Variants in DDX11 observed in about 807,000 individuals in gnomAD.
The protein encoded by DDX11 is ATP-dependent DNA helicase DDX11.
A neutral mutation model predicts 125.2 loss-of-function variants in DDX11; 72 were observed. The observed-to-expected ratio is 0.58, with a 90% CI of 0.48 to 0.70. The LOEUF (loss-of-function observed/expected upper bound fraction) is 0.70, where lower values mean the gene tolerates loss of function less well. DDX11 is among the 30% of genes least tolerant of loss of function. The pLI, the probability that DDX11 is intolerant of heterozygous loss-of-function variation, is 0.00. For synonymous variants in DDX11, 347 were observed against 452.6 expected (o/e 0.77, Z 2.96); for missense variants, 883 against 1,165.0 (o/e 0.76, Z 3.52).
chr12:31,077,475 TTAG>T (rs1173930714), intron 1 of DDX11, among the ~76,000 whole-genome samples: 3 of 151,700 alleles, frequency 2.0e-5, no homozygotes, highest in Non-Finnish European at 4.4e-5. Flanking sequence ...GCCAGAAAAG[TTAG>T]TAGGTGGTGG....
In DDX11 at chr12:31,078,469, T is replaced by G; in HGVS notation, c.76T>G (p.Phe26Val). 6.2e-7 allele frequency: 1 copy of G among 1,611,622 alleles called. No homozygotes were observed. The highest frequency in any genetic ancestry group is 8.5e-7 in the Non-Finnish European group (1 of 1,179,614). The change falls in exon 2 of 27, where the codon TTC becomes GTC. Residue 26 changes from phenylalanine to valine, a missense_variant. By Grantham distance (50) the Phe-to-Val change is conservative (BLOSUM62 -1). Coordinates refer to ENST00000542838, the MANE Select transcript of DDX11 (RefSeq NM_030653.4). ...CACACCCTATTCCATCCAGGAAGAC[T>G]TCATGGCAGAGCTGTACCGGGTTTT... Reference protein sequence around the residue: ...PFTPYSIQEDFMAELYRVLEA... With the variant: ...PFTPYSIQEDVMAELYRVLEA...
Position 31,103,870 on chromosome 12 carries a change from T to G in DDX11, c.*34T>G. ...CACACCACTGCCTGGCGCCGTGCCC[T>G]TCCTTTGTCCTGCCCGCTGGAGACA... On this transcript the variant is annotated 3_prime_UTR_variant, in exon 27 of 27. Coordinates refer to ENST00000542838, the MANE Select transcript of DDX11 (RefSeq NM_030653.4). The G allele has an allele frequency of 6.2e-7, 1 of 1,614,012 alleles. No individual in the cohort carries two copies. The highest frequency in any genetic ancestry group is 8.5e-7 in the Non-Finnish European group (1 of 1,179,864).
At chr12:31,091,944 C>CA (rs1944317965) in intron 10 of DDX11, 73 bp downstream of exon 10, 17 of 1,602,794 alleles carry the variant, frequency 1.1e-5, no homozygotes, top group Non-Finnish European at 1.3e-5. Flanking sequence ...CTCCAGACAC[C>CA]TGGGCCAAGA....
At chr12:31,077,824 ACAGAGTGAGAC>A (rs1940983959) in intron 1 of DDX11, 1 of 195,340 alleles carries the variant, frequency 5.1e-6, no homozygotes. Context: ...AGCCTGGGCG[ACAGAGTGAGAC>A]TCTGTCTCGA....
At position 31,100,851 on chromosome 12, in the gene DDX11, GCT is replaced by G. The variant is rs2141006434; in HGVS notation, c.1948+148_1948+149del. The G allele has an allele frequency of 4.6e-6, 5 of 1,093,504 alleles. No homozygotes were observed. In the East Asian group the frequency reaches 7.6e-5, roughly 17 times the overall value. 67.7% of individuals were successfully genotyped at this position (1,093,504 alleles called of 1,614,324 possible). A position where few individuals can be genotyped will look rare whatever the true frequency, so the allele number is the denominator to read the frequency against. ...CCTCACCCTTCGTGCGCTCGCCCAG[GCT>G]CTCCTGCTTTGCTCCCTGCTGCCTG... is the stretch of plus-strand genomic sequence containing the variant. On this transcript the variant is annotated intron_variant, in intron 19 of 26. Transcript: ENST00000542838.
Position 31,094,356 on chromosome 12 carries a change from C to T in DDX11, c.1370-234C>T, listed in dbSNP as rs547519762. On this transcript the variant is annotated intron_variant, in intron 12 of 26. Coordinates refer to ENST00000542838, the MANE Select transcript of DDX11 (RefSeq NM_030653.4). The stretch of plus-strand genomic sequence containing the variant: ...CTGGAGAAGGGGTGAAAAACATGAA[C>T]TTACAGGGCTTTGGGTTCCACGTGC... The T allele has an allele frequency of 2.1e-3, 1,170 of 558,622 alleles. 3 individuals are homozygous for T. The highest frequency in any genetic ancestry group is 2.9e-3 in the Non-Finnish European group (880 of 304,812). 34.6% of individuals were successfully genotyped at this position (558,622 alleles called of 1,614,324 possible). A position where few individuals can be genotyped will look rare whatever the true frequency, so the allele number is the denominator to read the frequency against.
At chr12:31,089,762 C>T in intron 8 of DDX11, 124 bp from the exon 9 acceptor site, 3 of 1,514,908 alleles carry the variant, frequency 2.0e-6, no homozygotes, top group African/African-American at 1.4e-5. Flanking sequence ...GTAGGCAGTA[C>T]TTGGGAGGGT....
Position 31,104,633 on chromosome 12 carries a change from C to T in DDX11, c.*797C>T, listed in dbSNP as rs188626278. ...CTGCAACAGCTGCCCCTGCTGACTG[C>T]GCCTGTCTTCTCCCTCTGACCCCAG... On this transcript the variant is annotated 3_prime_UTR_variant, in exon 27 of 27. Coordinates refer to ENST00000542838, the MANE Select transcript of DDX11 (RefSeq NM_030653.4). 5.2e-5 allele frequency: 8 copies of T among 155,248 alleles called. No individual in the cohort carries two copies. The East Asian group carries it at 7.7e-4, about 15-fold the overall frequency. 9.6% of individuals were successfully genotyped at this position (155,248 alleles called of 1,614,324 possible).
intron 7 of DDX11, 125 bp downstream of exon 7, chr12:31,089,276 C>T: frequency 2.2e-6 from 3 of 1,345,042 alleles, no homozygotes; most frequent in South Asian, 1.2e-5. Context: ...GGAGCAGCCC[C>T]CTCCCTGACC....
At chr12:31,101,254 G>A (rs567171353) in intron 20 of DDX11, 124 bp downstream of exon 20, 76 of 812,870 alleles carry the variant, frequency 9.3e-5, no homozygotes, top group African/African-American at 2.2e-4. Context: ...AGGGACACCC[G>A]CTTAGAGCCA....
chr12:31,089,517 G>A (rs369507140), intron 8 of DDX11, 27 bp downstream of exon 8: 28 of 1,599,866 alleles, frequency 1.8e-5, no homozygotes, highest in Admixed American at 6.7e-5. Context: ...TGGTGTAGCC[G>A]CAGGTGGTCT....
At chr12:31,082,461 A>G (rs2553147) in intron 2 of DDX11, among the ~76,000 whole-genome samples, 80,392 of 151,106 alleles carry the variant, frequency 0.53, 22,514 homozygotes, top group East Asian at 0.82. Flanking sequence ...GAACCCTGGC[A>G]CCTGGCTGTG....
rs769266160 is a variant in DDX11 at position 31,096,874 on chromosome 12, C to T, written c.1646C>T (p.Ala549Val). 1.4e-4 allele frequency: 232 copies of T among 1,614,080 alleles called. 1 individual carries two copies. The highest frequency in any genetic ancestry group is 1.8e-4 in the Non-Finnish European group (213 of 1,180,044). ...CTCTGTGCAGCTCTTGCAGCCCCTGCAGACGAGAGTCAGGCCAGCACCCTG... is the reference window on the plus strand; with the variant it reads ...CTCTGTGCAGCTCTTGCAGCCCCTGTAGACGAGAGTCAGGCCAGCACCCTG... ...PRTTEALAAP[A>V]DESQASTLRP... Residue 549 changes from alanine to valine, a missense_variant, in exon 17 of 27, where the codon GCA (alanine) becomes GTA (valine). This residue lies in a region of DDX11 where 241 missense variants were observed against 279.7 expected (regional missense o/e 0.86). Transcript: ENST00000542838.
chr12:31,077,772 A>G (rs1359613313), intron 1 of DDX11, among the ~76,000 whole-genome samples: 3 of 149,198 alleles, frequency 2.0e-5, no homozygotes, highest in African/African-American at 7.4e-5. Flanking sequence ...TGAACCCGGG[A>G]GGCGGAGCGT....
At chr12:31,086,941 A>G (rs1215495093) in intron 5 of DDX11, among the ~76,000 whole-genome samples, 4 of 131,292 alleles carry the variant, frequency 3.0e-5, no homozygotes, top group Non-Finnish European at 6.3e-5. Context: ...TGTAATAATT[A>G]CTCTTCTGAT....
At chr12:31,093,390 T>A (rs1162754596) in intron 12 of DDX11, 66 bp downstream of exon 12, 1 of 1,598,778 alleles carries the variant, frequency 6.3e-7, no homozygotes, top group Admixed American at 1.7e-5. Flanking sequence ...TTTCCTTGGA[T>A]GCCCATCAGG....
chr12:31,102,764 C>A, intron 23 of DDX11, 172 bp from the exon 24 acceptor site: 2 of 746,778 alleles, frequency 2.7e-6, no homozygotes, highest in South Asian at 3.3e-5. Flanking sequence ...TAGACGGGAT[C>A]TCTCAGCCGA....
chr12:31,078,200 G>T, intron 1 of DDX11, 190 bp from the exon 2 acceptor site: 1 of 1,526,930 alleles, frequency 6.5e-7, no homozygotes, highest in Non-Finnish European at 8.8e-7. Flanking sequence ...GCTAGATGGA[G>T]TGCGTGATTC....
rs150466604 is a variant in DDX11, at chr12:31,091,814, G to A, written c.1185G>A (p.Ala395=). The part of the protein sequence containing the change: ...LQDQVVIIDE[A]HNLIDTITGM... Reference sequence around the variant, plus strand: ...ACCAGGTGGTGATCATCGACGAGGCGCACAACCTGATCGACACCATCACGG... The same window carrying A: ...ACCAGGTGGTGATCATCGACGAGGCACACAACCTGATCGACACCATCACGG... Residue 395 remains alanine (A), a synonymous_variant, in exon 10 of 27, where the codon GCG becomes GCA. Transcript: ENST00000542838. 0.021 allele frequency: 33,933 copies of A among 1,613,304 alleles called. 1,281 individuals carry two copies. In the East Asian group the frequency reaches 0.21, roughly 10 times the overall value.
Sources: gnomAD v4.1 joint callset for allele counts (sites outside exome capture counted in the v4.1 genomes callset) on GRCh38, gnomAD v4.1.1 for gene constraint, gnomAD v4.1.1 regional missense constraint, MANE v1.5 for transcripts, NCBI Gene and HGNC (gene_info 2026-07-23, HGNC 2026-07-21) for gene names.